SEC62: variants seen among roughly 807,000 people sequenced by gnomAD.
SEC62 encodes the protein translocation protein SEC62.
SEC62 carries 10 observed loss-of-function variants against 47.5 expected under a neutral mutation model. That is an observed-to-expected ratio of 0.21 (90% confidence interval 0.13 to 0.36). SEC62 has a LOEUF of 0.36. SEC62 is among the 10% of genes least tolerant of loss of function. The probability of loss-of-function intolerance (pLI) is 1.00; values close to 1 mark genes in which losing one functional copy is unlikely to be tolerated. For synonymous variants in SEC62, 136 were observed against 150.5 expected (o/e 0.90, Z 0.71); for missense variants, 327 against 464.1 (o/e 0.70, Z 2.71).
intron 2 of SEC62, 44 bp from the exon 3 acceptor site, chr3:169,976,902 A>G: frequency 7.5e-7 from 1 of 1,333,842 alleles, no homozygotes; most frequent in Non-Finnish European, 1.1e-6. Flanking sequence ...ATAGACATAA[A>G]TCCCCATGTA....
chr3:169,976,837 G>T (rs1023978921), intron 2 of SEC62, 109 bp from the exon 3 acceptor site: 7 of 642,630 alleles, frequency 1.1e-5, no homozygotes, highest in Non-Finnish European at 1.7e-5. Context: ...GTTGAGTTTG[G>T]TTTTCTTTTT....
At chr3:169,967,730 T>C (rs1714577153) in intron 1 of SEC62, among the ~76,000 whole-genome samples, 1 of 152,220 alleles carries the variant, frequency 6.6e-6, no homozygotes, top group Admixed American at 6.5e-5. Flanking sequence ...TCTCATCAGC[T>C]GATGTGCTGA....
intron 1 of SEC62, among the ~76,000 whole-genome samples, chr3:169,974,825 T>C (rs537522346): frequency 2.1e-4 from 32 of 151,640 alleles, no homozygotes; most frequent in African/African-American, 7.1e-4. Context: ...CATTGATTAA[T>C]TTGAGAACTC....
intron 1 of SEC62, among the ~76,000 whole-genome samples, chr3:169,974,751 G>T (rs1048995526): frequency 3.3e-5 from 5 of 152,200 alleles, no homozygotes; most frequent in Admixed American, 3.3e-4. Flanking sequence ...AGGGGGAAAG[G>T]AAAGAGAATA....
At position 169,988,220 on chromosome 3, in the gene SEC62, T is replaced by G; in HGVS notation, c.611-20T>G. 1.2e-6 allele frequency: 2 copies of G among 1,612,794 alleles called. No individual in the cohort carries two copies. Among genetic ancestry groups the G allele is most frequent in the Non-Finnish European group, 1.7e-6 (2 of 1,179,054 alleles). The stretch of plus-strand genomic sequence containing the variant: ...TAAGTTTTTATTCTAAAATTTAACT[T>G]TTGTCATTTCTTGTTCCAGTGATTG... On this transcript the variant is annotated intron_variant, in intron 6 of 7. Transcript: ENST00000337002.
chr3:169,991,772 C>A (rs964636162), intron 7 of SEC62, among the ~76,000 whole-genome samples: 1 of 152,086 alleles, frequency 6.6e-6, no homozygotes, highest in African/African-American at 2.4e-5. Flanking sequence ...TTATCCAGGG[C>A]TAATTTATCC....
Position 169,992,721 on chromosome 3 carries a change from C to T in SEC62, c.858C>T (p.Tyr286=). The T allele has an allele frequency of 6.2e-7, 1 of 1,613,944 alleles. No homozygotes were observed. Among genetic ancestry groups the T allele is most frequent in the Non-Finnish European group, 8.5e-7 (1 of 1,180,010 alleles). The change falls in exon 8 of 8, where the codon TAC becomes TAT. Residue 286 remains tyrosine (Y), a synonymous_variant. Transcript: ENST00000337002. This position sits in a 1 kb window ranked among gnomAD's most constrained non-coding sequence, Gnocchi z 4.0. ...DSFRPLYTHE[Y]KGPKADLKKD... is the part of the protein sequence containing the mutation. ...TCAGGCCTCTGTACACACATGAATACAAAGGACCAAAAGCAGACTTAAAGA... is the reference window on the plus strand; with the variant it reads ...TCAGGCCTCTGTACACACATGAATATAAAGGACCAAAAGCAGACTTAAAGA...
chr3:169,980,264 C>G (rs1345268591), intron 3 of SEC62, among the ~76,000 whole-genome samples: 4 of 150,436 alleles, frequency 2.7e-5, no homozygotes, highest in Admixed American at 6.6e-5. Context: ...AGGTGATTAC[C>G]CAACAAACAA....
chr3:169,988,334 A>G lies in SEC62; in HGVS notation c.705A>G (p.Val235=), dbSNP rs745362635. Residue 235 remains valine, a synonymous_variant, in exon 7 of 8, where the codon GTA becomes GTG. Transcript: ENST00000337002. ...YYLSVGAGCF[V]ASILLLAVAR... ...TCAGTGTGGGTGCAGGCTGTTTTGT[A>G]GCCAGTATTCTTCTCCTTGCTGTTG... The G allele has an allele frequency of 1.9e-6, 3 of 1,613,780 alleles. No individual in the cohort carries two copies. In the Admixed American group the frequency reaches 5.0e-5, roughly 27 times the overall value.
intron 1 of SEC62, among the ~76,000 whole-genome samples, chr3:169,975,003 G>A (rs535452101): frequency 5.9e-5 from 9 of 152,206 alleles, no homozygotes; most frequent in South Asian, 4.2e-4. Flanking sequence ...ACTATAGGCC[G>A]GTGACGATGG....
intron 3 of SEC62, among the ~76,000 whole-genome samples, chr3:169,978,811 A>G (rs1439786441): frequency 6.6e-6 from 1 of 152,202 alleles, no homozygotes; most frequent in African/African-American, 2.4e-5. Flanking sequence ...AAGAGATGCT[A>G]CAAATGCAGA....
intron 1 of SEC62, among the ~76,000 whole-genome samples, chr3:169,973,267 C>G (rs1169510317): frequency 1.3e-5 from 2 of 152,056 alleles, no homozygotes; most frequent in Non-Finnish European, 2.9e-5. Flanking sequence ...TTTATTATAT[C>G]AGAAAGTATA....
intron 2 of SEC62, 40 bp from the exon 3 acceptor site, chr3:169,976,906 C>T (rs1714851080): frequency 8.8e-6 from 12 of 1,367,950 alleles, no homozygotes; most frequent in Non-Finnish European, 1.1e-5. Flanking sequence ...ACATAAATCC[C>T]CATGTATGCT....
intron 1 of SEC62, among the ~76,000 whole-genome samples, chr3:169,975,008 C>T (rs112088200): frequency 1.1e-4 from 17 of 152,262 alleles, no homozygotes; most frequent in African/African-American, 4.1e-4. Context: ...AGGCCGGTGA[C>T]GATGGCTCAC....
intron 2 of SEC62, among the ~76,000 whole-genome samples, chr3:169,976,609 C>G (rs551374439): frequency 2.0e-4 from 31 of 152,196 alleles, no homozygotes; most frequent in African/African-American, 6.7e-4. Context: ...GAGTGGTGAA[C>G]ATTTTGGTTT....
At chr3:169,971,776 G>A (rs894736698) in intron 1 of SEC62, among the ~76,000 whole-genome samples, 1 of 152,126 alleles carries the variant, frequency 6.6e-6, no homozygotes, top group Admixed American at 6.5e-5. Flanking sequence ...TACATGTGAT[G>A]CCTCTATCAG....
At chr3:169,990,511 T>A (rs1248701872) in intron 7 of SEC62, among the ~76,000 whole-genome samples, 1 of 152,106 alleles carries the variant, frequency 6.6e-6, no homozygotes, top group Non-Finnish European at 1.5e-5. Context: ...ACATGAACAT[T>A]TTGCCATACC....
chr3:169,988,165 A>T (rs1715152603), intron 6 of SEC62, 75 bp from the exon 7 acceptor site: 1 of 1,517,822 alleles, frequency 6.6e-7, no homozygotes, highest in Middle Eastern at 1.8e-4. Flanking sequence ...TCCCCCAGGG[A>T]TATGTTTCTG....
intron 1 of SEC62, chr3:169,969,464 G>A: frequency 2.5e-6 from 1 of 403,406 alleles, no homozygotes; most frequent in Non-Finnish European, 5.0e-6. Flanking sequence ...TTACAATCCT[G>A]GTATCAAGAA....
Sources: gnomAD v4.1 joint callset for allele counts (sites outside exome capture counted in the v4.1 genomes callset) on GRCh38, gnomAD v4.1.1 for gene constraint, Gnocchi (gnomAD v3.1) non-coding constraint, MANE v1.5 for transcripts, NCBI Gene and HGNC (gene_info 2026-07-23, HGNC 2026-07-21) for gene names.